Variants in NCAM1 observed in about 807,000 individuals in gnomAD.
The protein encoded by NCAM1 is antigen recognized by monoclonal antibody 5.1H11.
Under a neutral mutation model 109.8 loss-of-function variants are expected in NCAM1, and 14 were observed. That is an observed-to-expected ratio of 0.13 (90% confidence interval 0.08 to 0.20). NCAM1 has a LOEUF of 0.20. NCAM1 is among the 10% of genes least tolerant of loss of function. The pLI is 1.00. For missense variants in NCAM1, 774 were observed against 1,109.9 expected (o/e 0.70, Z 4.30); for synonymous variants, 418 against 442.9 (o/e 0.94, Z 0.70).
intron 1 of NCAM1, among the ~76,000 whole-genome samples, chr11:113,137,473 C>T (rs1310869608): frequency 1.3e-5 from 2 of 152,224 alleles, no homozygotes; most frequent in Non-Finnish European, 2.9e-5. Context: ...ATTAATCTGA[C>T]ATTTTGATGG....
chr11:113,051,714 T>C (rs1294362066), intron 1 of NCAM1, among the ~76,000 whole-genome samples: 3 of 152,232 alleles, frequency 2.0e-5, no homozygotes, highest in Non-Finnish European at 2.9e-5. Flanking sequence ...TTTTAATGCC[T>C]GAAGATACCT....
intron 1 of NCAM1, among the ~76,000 whole-genome samples, chr11:113,189,856 T>C (rs1555109515): frequency 1.6e-5 from 2 of 121,284 alleles, no homozygotes; most frequent in Non-Finnish European, 1.7e-5. Context: ...AATGCTACCA[T>C]AAAAACAAAA....
At chr11:113,018,908 T>C (rs1177079669) in intron 1 of NCAM1, among the ~76,000 whole-genome samples, 3 of 152,160 alleles carry the variant, frequency 2.0e-5, no homozygotes, top group African/African-American at 4.8e-5. Context: ...TGTTGGACTT[T>C]TTATGAGAAG....
At chr11:113,037,562 A>T (rs1952933174) in intron 1 of NCAM1, among the ~76,000 whole-genome samples, 2 of 152,208 alleles carry the variant, frequency 1.3e-5, no homozygotes, top group African/African-American at 4.8e-5. Context: ...TCTGTTATAT[A>T]GGAGTTCATT....
intron 15 of NCAM1, among the ~76,000 whole-genome samples, chr11:113,255,593 A>AG (rs1161611882): frequency 1.8e-4 from 14 of 76,498 alleles, no homozygotes; most frequent in African/African-American, 3.1e-4. Context: ...CCAGTGAGAC[A>AG]GGGGAAAAAA....
At chr11:113,047,016 T>A (rs1341200130) in intron 1 of NCAM1, among the ~76,000 whole-genome samples, 5 of 152,224 alleles carry the variant, frequency 3.3e-5, no homozygotes, top group African/African-American at 1.2e-4. Context: ...TTAAGCTTTG[T>A]ATGTGTTAGG....
chr11:113,145,934 C>CT lies in NCAM1; in HGVS notation c.53-56439dup, dbSNP rs1309754445. Among the ~76,000 whole-genome samples the CT allele has an allele frequency of 1.3e-4, 20 of 152,248 alleles. No homozygotes were observed. The East Asian group carries it at 2.1e-3, about 16-fold the overall frequency. On this transcript the variant is annotated intron_variant, in intron 1 of 19. Coordinates refer to ENST00000316851, the MANE Select transcript of NCAM1 (RefSeq NM_181351.5). ...ATAGAAATTGACTCTGGTGACACTC[C>CT]TTTTTTGGGTTGGAAAATGTCAGAG...
intron 1 of NCAM1, among the ~76,000 whole-genome samples, chr11:113,097,467 G>C (rs184220714): frequency 6.6e-6 from 1 of 152,038 alleles, no homozygotes; most frequent in Admixed American, 6.5e-5. Flanking sequence ...ATCTAACATA[G>C]AGAGCTATCA....
intron 3 of NCAM1, among the ~76,000 whole-genome samples, chr11:113,204,997 T>C (rs1243263864): frequency 6.6e-6 from 1 of 152,190 alleles, no homozygotes. Flanking sequence ...GTTGGAGTAA[T>C]GGTGGGTGAC....
At chr11:113,250,021 G>A (rs1945622373) in intron 15 of NCAM1, among the ~76,000 whole-genome samples, 2 of 152,120 alleles carry the variant, frequency 1.3e-5, no homozygotes, top group South Asian at 2.1e-4. Flanking sequence ...TGTGTATCCC[G>A]AGGCTCCCTG....
intron 1 of NCAM1, among the ~76,000 whole-genome samples, chr11:112,999,157 A>G (rs1951677852): frequency 6.6e-6 from 1 of 152,210 alleles, no homozygotes; most frequent in Non-Finnish European, 1.5e-5. Context: ...TGAATTTTAT[A>G]GGCCTCCCTC....
intron 1 of NCAM1, among the ~76,000 whole-genome samples, chr11:113,139,875 G>T (rs1051343709): frequency 4.6e-5 from 7 of 152,168 alleles, no homozygotes; most frequent in Non-Finnish European, 1.0e-4. Context: ...TTAAAAACTT[G>T]TAAAGAGGCT....
At chr11:113,251,666 G>A (rs770390560) in intron 15 of NCAM1, among the ~76,000 whole-genome samples, 2 of 152,292 alleles carry the variant, frequency 1.3e-5, no homozygotes, top group Non-Finnish European at 2.9e-5. Flanking sequence ...AACTCCAAGG[G>A]TATAATTAAC....
At chr11:113,251,888 T>G (rs1945689754) in intron 15 of NCAM1, among the ~76,000 whole-genome samples, 2 of 152,194 alleles carry the variant, frequency 1.3e-5, no homozygotes. Flanking sequence ...GCAAGGTCCC[T>G]TTTCTCCCAC....
chr11:113,120,840 G>T (rs2136031542), intron 1 of NCAM1, among the ~76,000 whole-genome samples: 2 of 152,328 alleles, frequency 1.3e-5, no homozygotes, highest in Middle Eastern at 3.4e-3. Flanking sequence ...TTGGGGAGAG[G>T]GAAGGAGGGC....
intron 1 of NCAM1, among the ~76,000 whole-genome samples, chr11:113,062,281 C>T (rs1254521181): frequency 6.6e-6 from 1 of 152,182 alleles, no homozygotes; most frequent in African/African-American, 2.4e-5. Context: ...TCTGGCACCA[C>T]TGAGTGGTGT....
chr11:113,136,284 C>A (rs546212681), intron 1 of NCAM1, among the ~76,000 whole-genome samples: 2 of 152,184 alleles, frequency 1.3e-5, no homozygotes, highest in African/African-American at 4.8e-5. Context: ...ACACAGCTGC[C>A]TTGGGTTTTG....
chr11:113,251,393 A>T (rs1945671892), intron 15 of NCAM1, among the ~76,000 whole-genome samples: 1 of 152,222 alleles, frequency 6.6e-6, no homozygotes, highest in Non-Finnish European at 1.5e-5. Flanking sequence ...GAGAACCTGC[A>T]ATCGGCATGG....
At chr11:113,272,942 C>T (rs1409596079) in intron 19 of NCAM1, 11 of 456,700 alleles carry the variant, frequency 2.4e-5, no homozygotes, top group Non-Finnish European at 4.0e-5. Context: ...GGCTGCCTGC[C>T]GACACTACGG....
Sources: gnomAD v4.1 joint callset for allele counts (sites outside exome capture counted in the v4.1 genomes callset) on GRCh38, gnomAD v4.1.1 for gene constraint, MANE v1.5 for transcripts, NCBI Gene and HGNC (gene_info 2026-07-23, HGNC 2026-07-21) for gene names.